LRRC9: variants seen among roughly 807,000 people sequenced by gnomAD.
LRRC9 encodes the protein leucine rich repeat containing 9.
LRRC9 carries 122 observed loss-of-function variants against 63.2 expected under a neutral mutation model. That is an observed-to-expected ratio of 1.93 (90% CI 1.67 to 2.24). The LOEUF (loss-of-function observed/expected upper bound fraction) is 2.24, where lower values mean the gene tolerates loss of function less well. Among genes scored for constraint, LRRC9 ranks in the 30% most tolerant of loss-of-function variants. The pLI, the probability that LRRC9 is intolerant of heterozygous loss-of-function variation, is 0.00. For synonymous variants in LRRC9, 366 were observed against 213.1 expected (o/e 1.72, Z -6.25); for missense variants, 1,071 against 627.7 (o/e 1.71, Z -7.55).
intron 29 of LRRC9, among the ~76,000 whole-genome samples, chr14:60,035,268 G>T (rs991768277): frequency 7.2e-5 from 11 of 152,104 alleles, no homozygotes; most frequent in Non-Finnish European, 1.6e-4. Context: ...CAGATGGATT[G>T]ATTGCAAATA....
intron 29 of LRRC9, among the ~76,000 whole-genome samples, chr14:60,034,396 A>G (rs1892259775): frequency 6.6e-6 from 1 of 152,034 alleles, no homozygotes; most frequent in Non-Finnish European, 1.5e-5. Flanking sequence ...TATTGATGTA[A>G]AACATACATA....
chr14:59,949,676 C>T (rs1882892740), intron 8 of LRRC9, among the ~76,000 whole-genome samples: 1 of 150,676 alleles, frequency 6.6e-6, no homozygotes, highest in Admixed American at 6.6e-5. Context: ...TGAATGCGTC[C>T]CAGAGATTCT....
intron 8 of LRRC9, among the ~76,000 whole-genome samples, chr14:59,955,260 A>C (rs1205591528): frequency 6.6e-6 from 1 of 152,188 alleles, no homozygotes; most frequent in African/African-American, 2.4e-5. Context: ...GTGGCTGTCA[A>C]TCCATCAGGT....
At chr14:60,050,589 T>C (rs1331126976) in intron 29 of LRRC9, among the ~76,000 whole-genome samples, 2 of 152,190 alleles carry the variant, frequency 1.3e-5, no homozygotes, top group Non-Finnish European at 2.9e-5. Flanking sequence ...TCTCAGCCTC[T>C]GCCCTGTTCT....
chr14:60,062,179 G>A (rs1894697254), intron 31 of LRRC9: 1 of 398,398 alleles, frequency 2.5e-6, no homozygotes, highest in South Asian at 1.3e-4. Flanking sequence ...GATAAGAGAA[G>A]GTAAAGCTAT....
chr14:60,037,684 A>G (rs1244731002), intron 29 of LRRC9, among the ~76,000 whole-genome samples: 1 of 152,148 alleles, frequency 6.6e-6, no homozygotes, highest in Non-Finnish European at 1.5e-5. Flanking sequence ...TCCGATAGGT[A>G]GATTGTAAAA....
intron 5 of LRRC9, 135 bp from the exon 6 acceptor site, chr14:59,931,834 C>T: frequency 1.6e-6 from 1 of 608,170 alleles, no homozygotes; most frequent in South Asian, 2.0e-5. Context: ...ACTCATTAAT[C>T]AGTGGTTACT....
At chr14:59,963,173 T>C (rs1203437797) in intron 10 of LRRC9, among the ~76,000 whole-genome samples, 2 of 152,172 alleles carry the variant, frequency 1.3e-5, no homozygotes, top group Non-Finnish European at 1.5e-5. Flanking sequence ...GACTGAAAGA[T>C]TTTCTGTTAA....
At chr14:60,034,875 G>A (rs1237956380) in intron 29 of LRRC9, among the ~76,000 whole-genome samples, 17 of 152,138 alleles carry the variant, frequency 1.1e-4, no homozygotes, top group Admixed American at 1.1e-3. Context: ...TAGTGGAATG[G>A]CTGGATCACA....
chr14:60,025,291 G>A (rs938636247), intron 27 of LRRC9, among the ~76,000 whole-genome samples: 3 of 149,706 alleles, frequency 2.0e-5, no homozygotes, highest in South Asian at 2.1e-4. Context: ...TTTTTGATAA[G>A]GGGTCTCAAT....
rs769178849 is a variant in LRRC9 at position 59,981,901 on chromosome 14, C to CA, written c.1940dup (p.Asn647LysfsTer14). The CA allele has an allele frequency of 1.5e-4, 102 of 700,656 alleles. 1 individual carries two copies. The highest frequency in any genetic ancestry group is 4.6e-4 in the Middle Eastern group (2 of 4,352). 43.4% of individuals were successfully genotyped at this position (700,656 alleles called of 1,614,324 possible). A position where few individuals can be genotyped will look rare whatever the true frequency, so the allele number is the denominator to read the frequency against. ...TCAACAATGTTATTCTAGAAGAAAG[C>CA]AAAAAAAACCCAGAAGTATCAGTAT... On this transcript the variant is annotated frameshift_variant, in exon 16 of 32. Transcript: ENST00000445360. LOFTEE classifies it high-confidence loss of function.
chr14:59,985,497 T>C (rs1046153482), intron 17 of LRRC9, among the ~76,000 whole-genome samples: 1 of 152,308 alleles, frequency 6.6e-6, no homozygotes, highest in South Asian at 2.1e-4. Flanking sequence ...CAATTTAATA[T>C]TTTTTAAAAA....
At chr14:59,989,036 A>G (rs1316150061) in intron 17 of LRRC9, among the ~76,000 whole-genome samples, 2 of 152,070 alleles carry the variant, frequency 1.3e-5, no homozygotes, top group Non-Finnish European at 2.9e-5. Context: ...TTTACCCTTT[A>G]TAAGTCACAA....
intron 12 of LRRC9, among the ~76,000 whole-genome samples, chr14:59,969,886 C>T (rs1381454542): frequency 6.6e-6 from 1 of 152,142 alleles, no homozygotes; most frequent in Admixed American, 6.6e-5. Context: ...CTATCTCTTC[C>T]TCTCTGCTCT....
chr14:59,936,286 T>C lies in LRRC9; in HGVS notation c.544-2104T>C, dbSNP rs1336239851. Reference sequence around the variant, plus strand: ...AAGGCTTTTTATGGCATTATGACTATCATAAAAACATTGAACGTGATTCAC... The same window carrying C: ...AAGGCTTTTTATGGCATTATGACTACCATAAAAACATTGAACGTGATTCAC... On this transcript the variant is annotated intron_variant, in intron 6 of 31. Coordinates refer to ENST00000445360, the Ensembl canonical transcript of LRRC9. The surrounding 1 kb of genome is among the most constrained non-coding windows in gnomAD (Gnocchi z 4.2). 6.6e-6 allele frequency among the ~76,000 whole-genome samples: 1 copy of C among 152,222 alleles called. No homozygotes were observed. The highest frequency in any genetic ancestry group is 6.5e-5 in the Admixed American group (1 of 15,280).
chr14:60,035,638 T>C (rs563256969), intron 29 of LRRC9, among the ~76,000 whole-genome samples: 180 of 152,354 alleles, frequency 1.2e-3, no homozygotes, highest in African/African-American at 4.3e-3. Context: ...TTGTCAAAGA[T>C]GAATTGACTG....
At chr14:59,997,990 T>C in intron 18 of LRRC9, 143 bp downstream of exon 18, 2 of 557,580 alleles carry the variant, frequency 3.6e-6, no homozygotes, top group Non-Finnish European at 6.3e-6. Context: ...CATTCATAAA[T>C]TGGATTTAAT....
At chr14:59,992,885 A>G (rs1888310919) in intron 17 of LRRC9, among the ~76,000 whole-genome samples, 1 of 152,244 alleles carries the variant, frequency 6.6e-6, no homozygotes, top group African/African-American at 2.4e-5. Flanking sequence ...AACACTCTGC[A>G]GGATATTATC....
chr14:59,985,221 C>G (rs1407433132), exon 17 of LRRC9: 2 of 641,336 alleles, frequency 3.1e-6, no homozygotes, highest in East Asian at 5.5e-5. Flanking sequence ...ATGTATACCA[C>G]TTGGTAAGAA....
Sources: allele counts gnomAD v4.1 joint callset (sites outside exome capture counted in the v4.1 genomes callset), GRCh38; gene constraint gnomAD v4.1.1; non-coding constraint Gnocchi (gnomAD v3.1); transcripts MANE v1.5; gene names NCBI Gene and HGNC (gene_info 2026-07-23, HGNC 2026-07-21).